The following CDHR3 variants were observed in gnomAD, a reference collection of about 807,000 sequenced individuals.
CDHR3 encodes cadherin-related family member 3.
A neutral mutation model predicts 86.6 loss-of-function variants in CDHR3; 79 were observed. The ratio of observed to expected loss-of-function variants is 0.91; its 90% CI spans 0.76 to 1.10. CDHR3 has a LOEUF of 1.10. Ranked by LOEUF, CDHR3 falls within the 50% of genes least tolerant of loss-of-function variation. CDHR3 has a pLI of 0.00. For synonymous variants in CDHR3, 421 were observed against 402.4 expected, an observed-to-expected ratio of 1.05 and a Z score of -0.55; for missense variants, 1,081 against 1,077.6, an observed-to-expected ratio of 1.00 and a Z score of -0.04.
At chr7:105,992,251 A>G (rs1831468787) in intron 4 of CDHR3, among the ~76,000 whole-genome samples, 1 of 152,146 alleles carries the variant, frequency 6.6e-6, no homozygotes, top group Non-Finnish European at 1.5e-5. Flanking sequence ...ATGTGGAAGG[A>G]CGCCCTGATT....
intron 2 of CDHR3, among the ~76,000 whole-genome samples, chr7:105,977,882 G>T (rs988937250): frequency 7.9e-5 from 12 of 152,224 alleles, no homozygotes; most frequent in African/African-American, 2.9e-4. Flanking sequence ...GGTGCAGGGG[G>T]TGGTGAGGAG....
intron 1 of CDHR3, among the ~76,000 whole-genome samples, chr7:105,969,220 C>A (rs1158491232): frequency 1.3e-5 from 2 of 149,688 alleles, no homozygotes; most frequent in African/African-American, 2.5e-5. Flanking sequence ...CACGGTGAAA[C>A]CCCGTCTCTA....
At chr7:105,964,930 G>A (rs887823481) in intron 1 of CDHR3, among the ~76,000 whole-genome samples, 1 of 152,156 alleles carries the variant, frequency 6.6e-6, no homozygotes, top group African/African-American at 2.4e-5. Flanking sequence ...CAGAAATATG[G>A]GCTTTTAGGG....
intron 2 of CDHR3, among the ~76,000 whole-genome samples, chr7:105,977,800 TG>T (rs1381086054): frequency 2.0e-5 from 3 of 152,178 alleles, no homozygotes; most frequent in Admixed American, 6.5e-5. Flanking sequence ...TTGTACTTTC[TG>T]GGGGTAAACT....
At chr7:105,966,451 C>T (rs141934530) in intron 1 of CDHR3, among the ~76,000 whole-genome samples, 2 of 152,330 alleles carry the variant, frequency 1.3e-5, no homozygotes, top group East Asian at 1.9e-4. Context: ...GCGTGGTTCT[C>T]TGCTAGCCAG....
chr7:106,025,260 C>T (rs1439544773), intron 15 of CDHR3, among the ~76,000 whole-genome samples: 1 of 152,212 alleles, frequency 6.6e-6, no homozygotes, highest in Non-Finnish European at 1.5e-5. Flanking sequence ...TTACAACTTA[C>T]AGCTTAGATG....
At chr7:105,988,678 G>C (rs1310834702) in intron 4 of CDHR3, among the ~76,000 whole-genome samples, 1 of 152,194 alleles carries the variant, frequency 6.6e-6, no homozygotes, top group East Asian at 1.9e-4. Context: ...TAAAAAGCAT[G>C]TGCTGGTACA....
At chr7:105,977,643 T>A (rs1403770757) in intron 2 of CDHR3, among the ~76,000 whole-genome samples, 1 of 152,162 alleles carries the variant, frequency 6.6e-6, no homozygotes, top group Non-Finnish European at 1.5e-5. Flanking sequence ...TCCAAGAAGA[T>A]CCTACTCTCC....
At position 106,012,953 on chromosome 7, in the gene CDHR3, A is replaced by T; in HGVS notation, c.1146A>T (p.Arg382Ser). 1 of 1,613,814 alleles carries T rather than the reference A, an allele frequency of 6.2e-7. No individual in the cohort carries two copies. The highest frequency in any genetic ancestry group is 8.5e-7 in the Non-Finnish European group (1 of 1,179,828). ...FDDDSEAPNN[R>S]FNFTMPSGVG... The stretch of plus-strand genomic sequence containing the variant: ...ATGACAGTGAGGCACCAAACAACAG[A>T]TTCAACTTCACCATGCCATCTGGAG... The change falls in exon 9 of 19, where the codon AGA becomes AGT. Residue 382 changes from arginine to serine, a missense_variant. Coordinates refer to ENST00000317716, the MANE Select transcript of CDHR3 (RefSeq NM_152750.5).
At chr7:105,967,597 T>C (rs62482822) in intron 1 of CDHR3, among the ~76,000 whole-genome samples, 40,785 of 152,010 alleles carry the variant, frequency 0.27, 6,092 homozygotes, top group East Asian at 0.68. Flanking sequence ...CCTATTTCTC[T>C]GCATCCTCTC....
intron 8 of CDHR3, among the ~76,000 whole-genome samples, chr7:106,008,266 G>A (rs772278696): frequency 7.2e-5 from 11 of 152,082 alleles, no homozygotes; most frequent in Non-Finnish European, 1.6e-4. Context: ...GGGGAGTCCT[G>A]GAAAGAGAAG....
In CDHR3 at chr7:106,035,556, A is replaced by T. The variant is rs1159118918; in HGVS notation, c.*2859A>T. 6.6e-6 allele frequency among the ~76,000 whole-genome samples: 1 copy of T among 152,200 alleles called. No homozygotes were observed. Among genetic ancestry groups the T allele is most frequent in the Non-Finnish European group, 1.5e-5 (1 of 68,032 alleles). ...GAAAGCAGGGATTTATTGAAAACCA[A>T]AGTACACTCCACAGTGTGGGAACGG... On this transcript the variant is annotated 3_prime_UTR_variant, in exon 19 of 19. Coordinates refer to ENST00000317716, the MANE Select transcript of CDHR3 (RefSeq NM_152750.5).
chr7:106,028,472 A>C, intron 16 of CDHR3, 79 bp from the exon 17 acceptor site: 5 of 1,483,704 alleles, frequency 3.4e-6, no homozygotes, highest in Non-Finnish European at 4.7e-6. Flanking sequence ...ATTTAGGGGA[A>C]ATACCGTTGT....
intron 2 of CDHR3, among the ~76,000 whole-genome samples, chr7:105,980,027 A>C (rs1475712012): frequency 6.6e-6 from 1 of 152,192 alleles, no homozygotes; most frequent in Non-Finnish European, 1.5e-5. Flanking sequence ...TGTTCCTCGC[A>C]TCCCTCCCAC....
At position 105,974,879 on chromosome 7, in the gene CDHR3, A is replaced by G. The variant is rs774939199; in HGVS notation, c.82A>G (p.Thr28Ala). 8 of 1,613,590 alleles carry G rather than the reference A, an allele frequency of 5.0e-6. No homozygotes were observed. Among genetic ancestry groups the G allele is most frequent in the African/African-American group, 1.3e-5 (1 of 74,916 alleles). The change falls in exon 2 of 19, where the codon ACA (threonine) becomes GCA (alanine). Residue 28 changes from threonine to alanine, a missense_variant. Transcript: ENST00000317716. The part of the protein sequence containing the change: ...EALHLILLPA[T>A]GNVAENSPPG... ...ACTACACCTAATCCTCTTACCTGCT[A>G]CAGGCAATGTGGCAGAGAATTCTCC...
At chr7:105,985,396 C>G (rs1830384319) in intron 4 of CDHR3, among the ~76,000 whole-genome samples, 1 of 152,196 alleles carries the variant, frequency 6.6e-6, no homozygotes, top group Admixed American at 6.5e-5. Flanking sequence ...GGAAACACTC[C>G]TGCAGACCCT....
At chr7:105,999,035 A>G (rs956362082) in intron 6 of CDHR3, among the ~76,000 whole-genome samples, 4 of 152,186 alleles carry the variant, frequency 2.6e-5, no homozygotes, top group Non-Finnish European at 4.4e-5. Context: ...GCTTCCCAGC[A>G]TTCACACCCT....
At position 105,996,277 on chromosome 7, in the gene CDHR3, C is replaced by T. The variant is rs778665117; in HGVS notation, c.636C>T (p.Asp212=). The T allele has an allele frequency of 1.8e-5, 29 of 1,596,560 alleles. No homozygotes were observed. The highest frequency in any genetic ancestry group is 1.1e-4 in the East Asian group (5 of 44,408). ...TCCATCTCATCGTGGAGGTGAGGGA[C>T]AGTGGAGGCCTCAAAGCCTCCACAG... ...RSFHLIVEVR[D]SGGLKASTEL... Residue 212 remains aspartate (D), a synonymous_variant, in exon 6 of 19, where the codon GAC becomes GAT. Coordinates refer to ENST00000317716, the MANE Select transcript of CDHR3 (RefSeq NM_152750.5).
At chr7:105,980,595 T>TTTTTTTAATTTTA (rs1829519771) in intron 2 of CDHR3, among the ~76,000 whole-genome samples, 1 of 98,882 alleles carries the variant, frequency 1.0e-5, no homozygotes, top group African/African-American at 3.8e-5. Context: ...GTTTTTTTTT[T>TTTTTTTAATTTTA]TTTTTTTTTT....
Sources: allele counts gnomAD v4.1 joint callset (sites outside exome capture counted in the v4.1 genomes callset), GRCh38; gene constraint gnomAD v4.1.1; transcripts MANE v1.5; gene names NCBI Gene and HGNC (gene_info 2026-07-23, HGNC 2026-07-21).